ZNF251: variants seen among roughly 807,000 people sequenced by gnomAD.
The protein encoded by ZNF251 is zinc finger protein 251.
In ZNF251, 14 loss-of-function variants were observed where a neutral mutation model predicts 13.5. That is an observed-to-expected ratio of 1.04 (90% CI 0.69 to 1.63). The LOEUF is 1.63. Ranked by LOEUF, ZNF251 falls within the 40% of genes most tolerant of loss-of-function variation. The pLI is 0.00. For missense variants in ZNF251, 764 were observed against 834.9 expected, an observed-to-expected ratio of 0.92 and a Z score of 1.05; for synonymous variants, 287 against 295.2, an observed-to-expected ratio of 0.97 and a Z score of 0.28.
intron 4 of ZNF251, among the ~76,000 whole-genome samples, chr8:144,744,127 C>A (rs1041229425): frequency 2.6e-5 from 4 of 151,292 alleles, no homozygotes; most frequent in Non-Finnish European, 5.9e-5. Context: ...GATTCTCCTG[C>A]CTCAGCCTCT....
intron 4 of ZNF251, among the ~76,000 whole-genome samples, chr8:144,740,771 T>C (rs550116671): frequency 6.6e-5 from 10 of 150,784 alleles, no homozygotes; most frequent in Admixed American, 2.6e-4. Context: ...CCATCTCTAC[T>C]AAAAATACAA....
intron 4 of ZNF251, among the ~76,000 whole-genome samples, chr8:144,729,089 GAA>G (rs770516433): frequency 4.7e-4 from 43 of 91,606 alleles, no homozygotes; most frequent in African/African-American, 1.5e-3. Flanking sequence ...TCCATCTATG[GAA>G]AAAAAAAAAA....
intron 4 of ZNF251, among the ~76,000 whole-genome samples, chr8:144,732,283 G>A (rs1823720644): frequency 6.6e-6 from 1 of 152,158 alleles, no homozygotes; most frequent in Non-Finnish European, 1.5e-5. Flanking sequence ...TACATGATGG[G>A]TCTGGTAGAG....
chr8:144,739,905 A>C (rs1006854045), intron 4 of ZNF251, among the ~76,000 whole-genome samples: 2 of 152,096 alleles, frequency 1.3e-5, no homozygotes, highest in African/African-American at 4.8e-5. Flanking sequence ...AAAAAAAAAA[A>C]AAGCATTTCA....
Position 144,754,323 on chromosome 8 carries a change from T to C in ZNF251, c.34-2A>G. The C allele has an allele frequency of 6.2e-7, 1 of 1,605,002 alleles. No individual in the cohort carries two copies. Among genetic ancestry groups the C allele is most frequent in the Non-Finnish European group, 8.5e-7 (1 of 1,175,720 alleles). On this transcript the variant is annotated splice_acceptor_variant, in intron 2 of 4. Coordinates refer to ENST00000292562, the MANE Select transcript of ZNF251 (RefSeq NM_138367.2). LOFTEE classifies it high-confidence loss of function. Reference sequence around the variant, plus strand: ...ATCCTGGAAGGTCAGCGGCATCTCCTGCAACAAAACATCGCCGCTGCCCAG... The same window carrying C: ...ATCCTGGAAGGTCAGCGGCATCTCCCGCAACAAAACATCGCCGCTGCCCAG...
intron 4 of ZNF251, among the ~76,000 whole-genome samples, chr8:144,736,966 T>A: frequency 6.6e-6 from 1 of 151,734 alleles, no homozygotes; most frequent in East Asian, 1.9e-4. Flanking sequence ...CCATGCCTGC[T>A]AATTTTTTTG....
chr8:144,732,751 G>A (rs1170415706), intron 4 of ZNF251, among the ~76,000 whole-genome samples: 2 of 149,496 alleles, frequency 1.3e-5, no homozygotes, highest in Non-Finnish European at 3.0e-5. Context: ...GGCGGAGCTT[G>A]CAGTGAGCCA....
At chr8:144,741,022 GA>G (rs1240068644) in intron 4 of ZNF251, among the ~76,000 whole-genome samples, 1 of 152,206 alleles carries the variant, frequency 6.6e-6, no homozygotes, top group Non-Finnish European at 1.5e-5. Flanking sequence ...AGGACAACAG[GA>G]GGCCCTGGAG....
At chr8:144,738,982 G>A (rs1196773634) in intron 4 of ZNF251, among the ~76,000 whole-genome samples, 1 of 151,904 alleles carries the variant, frequency 6.6e-6, no homozygotes, top group African/African-American at 2.4e-5. Flanking sequence ...GCCCTCCCAG[G>A]GGACTACAAG....
chr8:144,723,119 G>A lies in ZNF251; in HGVS notation c.541C>T (p.Gln181Ter), dbSNP rs373541420. ...GRERSLGERT[Q>*]ECSAFDRNLN... ...TTTCTATCAAATGCACTACACTCTT[G>A]GGTTCTTTCTCCCAAAGATCTTTCC... The change falls in exon 5 of 5, where the codon CAA (glutamine) becomes TAA (stop). Residue 181 changes from glutamine (Q) to a stop codon, truncating the protein, a stop_gained. Transcript: ENST00000292562. LOFTEE classifies it low-confidence loss of function (END_TRUNC). 3 of 1,613,784 alleles carry A rather than the reference G, an allele frequency of 1.9e-6. No individual in the cohort carries two copies. The highest frequency in any genetic ancestry group is 1.3e-5 in the African/African-American group (1 of 75,006).
chr8:144,749,971 A>G (rs1335244607), intron 4 of ZNF251, among the ~76,000 whole-genome samples: 1 of 148,894 alleles, frequency 6.7e-6, no homozygotes, highest in East Asian at 2.0e-4. Flanking sequence ...CTGCTACACT[A>G]TGAGGAGTTG....
chr8:144,739,218 C>A (rs903660887), intron 4 of ZNF251, among the ~76,000 whole-genome samples: 1 of 149,712 alleles, frequency 6.7e-6, no homozygotes. Context: ...AAACTAGGAT[C>A]ACAAATCACA....
chr8:144,730,086 T>C, intron 4 of ZNF251: 1 of 985,406 alleles, frequency 1.0e-6, no homozygotes, highest in African/African-American at 1.7e-5. Flanking sequence ...GCAGTGCCTC[T>C]CCCTTCGTAC....
chr8:144,736,780 C>A (rs1281852774), intron 4 of ZNF251, among the ~76,000 whole-genome samples: 1 of 151,908 alleles, frequency 6.6e-6, no homozygotes, highest in Non-Finnish European at 1.5e-5. Flanking sequence ...GCGTGAGCCA[C>A]CGTGCCCGGC....
In ZNF251 at chr8:144,723,292, A is replaced by G; in HGVS notation, c.368T>C (p.Leu123Pro). 6.3e-7 allele frequency: 1 copy of G among 1,577,534 alleles called. No individual in the cohort carries two copies. Among genetic ancestry groups the G allele is most frequent in the Non-Finnish European group, 8.6e-7 (1 of 1,164,404 alleles). ...VKTPEFVSRRLLRDNAQAAEF... is the reference protein window; with the variant it reads ...VKTPEFVSRRPLRDNAQAAEF... ...AGCGGCCTGTGCATTATCCCTTAAGAGTCTTCTTGATACAAATTCTGGGGT... is the reference window on the plus strand; with the variant it reads ...AGCGGCCTGTGCATTATCCCTTAAGGGTCTTCTTGATACAAATTCTGGGGT... Residue 123 changes from leucine (L) to proline (P), a missense_variant, in exon 5 of 5, where the codon CTC becomes CCC. Leu to Pro is a moderately conservative substitution (Grantham distance 98). Coordinates refer to ENST00000292562, the MANE Select transcript of ZNF251 (RefSeq NM_138367.2).
Position 144,722,165 on chromosome 8 carries a change from T to C in ZNF251, c.1495A>G (p.Ser499Gly). 6.2e-7 allele frequency: 1 copy of C among 1,614,224 alleles called. No homozygotes were observed. The highest frequency in any genetic ancestry group is 1.1e-5 in the South Asian group (1 of 91,084). The stretch of plus-strand genomic sequence containing the variant: ...TGCTGAATGAGGGTTGACCTCCGGC[T>C]GAAGGCCTTCCCACAGTCACCACAG... ...YDCGDCGKAF[S>G]RRSTLIQHQK... The change falls in exon 5 of 5, where the codon AGC (serine) becomes GGC (glycine). Residue 499 changes from serine (S) to glycine (G), a missense_variant. By Grantham distance (56) the Ser-to-Gly change is moderately conservative. Coordinates refer to ENST00000292562, the MANE Select transcript of ZNF251 (RefSeq NM_138367.2). This position sits in a 1 kb window ranked among gnomAD's most constrained non-coding sequence, Gnocchi z 4.8.
rs530802453 is a variant in ZNF251 at position 144,755,459 on chromosome 8, G to C, written c.-130C>G. ...GGAAGCGCCGAGGAGCTGCGCAGTC[G>C]CACCGAGCCCGGAACGGACCCTCCC... On this transcript the variant is annotated 5_prime_UTR_variant, in exon 1 of 5. Coordinates refer to ENST00000292562, the MANE Select transcript of ZNF251 (RefSeq NM_138367.2). The C allele has an allele frequency of 1.9e-5, 24 of 1,287,718 alleles. No individual in the cohort carries two copies. In the Admixed American group the frequency reaches 5.5e-4, roughly 30 times the overall value. 79.8% of individuals were successfully genotyped at this position (1,287,718 alleles called of 1,614,324 possible).
rs925864683 is a variant in ZNF251, at chr8:144,755,503, C to T, written c.-174G>A. 10 of 1,286,556 alleles carry T rather than the reference C, an allele frequency of 7.8e-6. 1 individual carries two copies. In the South Asian group the frequency reaches 1.1e-4, roughly 14 times the overall value. 79.7% of individuals were successfully genotyped at this position (1,286,556 alleles called of 1,614,324 possible). A position where few individuals can be genotyped will look rare whatever the true frequency, so the allele number is the denominator to read the frequency against. On this transcript the variant is annotated 5_prime_UTR_variant, in exon 1 of 5. Coordinates refer to ENST00000292562, the MANE Select transcript of ZNF251 (RefSeq NM_138367.2). ...CCCTCCCACAGAACCGGGTCCAGAG[C>T]CGGGGAGGGGGCGGGCTAGGATGAA...
intron 1 of ZNF251, 43 bp downstream of exon 1, chr8:144,755,362 G>A (rs1364612097): frequency 4.1e-5 from 53 of 1,284,468 alleles, no homozygotes; most frequent in Non-Finnish European, 5.3e-5. Context: ...CTCCCCGCCT[G>A]CCTGCCCGCT....
Sources: gnomAD v4.1 joint callset for allele counts (sites outside exome capture counted in the v4.1 genomes callset) on GRCh38, gnomAD v4.1.1 for gene constraint, Gnocchi (gnomAD v3.1) non-coding constraint, MANE v1.5 for transcripts, NCBI Gene and HGNC (gene_info 2026-07-23, HGNC 2026-07-21) for gene names.